Variants in CLVS1 observed in about 807,000 individuals in gnomAD.
CLVS1 encodes the protein clavesin-1.
CLVS1 carries 10 observed loss-of-function variants against 33.1 expected under a neutral mutation model. The ratio of observed to expected loss-of-function variants is 0.30; its 90% confidence interval spans 0.19 to 0.51. The LOEUF (loss-of-function observed/expected upper bound fraction) is 0.51, where lower values mean the gene tolerates loss of function less well. Ranked by LOEUF, CLVS1 falls within the 20% of genes least tolerant of loss-of-function variation. The pLI, the probability that CLVS1 is intolerant of heterozygous loss-of-function variation, is 0.97. For missense variants in CLVS1, 343 were observed against 433.4 expected, an observed-to-expected ratio of 0.79 and a Z score of 1.85; for synonymous variants, 163 against 166.1, an observed-to-expected ratio of 0.98 and a Z score of 0.14.
intron 3 of CLVS1, among the ~76,000 whole-genome samples, chr8:61,398,775 C>A (rs1027401346): frequency 1.3e-5 from 2 of 152,126 alleles, no homozygotes; most frequent in Non-Finnish European, 2.9e-5. Flanking sequence ...TTATTCAGCT[C>A]CCACCTAAAA....
At chr8:61,121,675 G>A (rs990160929) in intron 1 of CLVS1, among the ~76,000 whole-genome samples, 1 of 152,154 alleles carries the variant, frequency 6.6e-6, no homozygotes, top group African/African-American at 2.4e-5. Flanking sequence ...AAAGAGAGAT[G>A]CTGAACATTT....
intron 1 of CLVS1, among the ~76,000 whole-genome samples, chr8:61,111,024 C>T (rs1274100477): frequency 1.3e-5 from 2 of 152,124 alleles, no homozygotes; most frequent in African/African-American, 4.8e-5. Context: ...TCTTTAAGAT[C>T]CACTTTCTCA....
intron 2 of CLVS1, among the ~76,000 whole-genome samples, chr8:61,150,623 C>T (rs924483891): frequency 1.3e-5 from 2 of 152,198 alleles, no homozygotes; most frequent in East Asian, 3.9e-4. Flanking sequence ...GCTTCCTCTA[C>T]TGCTTCAGGG....
Position 61,487,050 on chromosome 8 carries a change from T to C in CLVS1, c.978-12405T>C, listed in dbSNP as rs540454495. 4.6e-5 allele frequency among the ~76,000 whole-genome samples: 7 copies of C among 152,230 alleles called. No individual in the cohort carries two copies. In the South Asian group the frequency reaches 8.3e-4, roughly 18 times the overall value. On this transcript the variant is annotated intron_variant, in intron 5 of 5. Transcript: ENST00000325897. ...AAAGCTTTGAAAATTTTAATGAGCA[T>C]ACAAAGCACCGAGATCTTGTTAAAA... is the stretch of plus-strand genomic sequence containing the variant.
chr8:61,413,684 T>A (rs541592943), intron 3 of CLVS1, among the ~76,000 whole-genome samples: 36 of 152,310 alleles, frequency 2.4e-4, no homozygotes, highest in Admixed American at 3.3e-4. Flanking sequence ...AGGCTTCAAT[T>A]CCTTGTATGG....
At chr8:60,993,276 C>A in the CLVS1 span, among the ~76,000 whole-genome samples, 1 of 152,218 alleles carries the variant, frequency 6.6e-6, no homozygotes, top group African/African-American at 2.4e-5. Context: ...CCCCACCCTA[C>A]ACAATCTAGT....
chr8:61,180,374 G>A (rs1353045620), intron 2 of CLVS1, among the ~76,000 whole-genome samples: 2 of 152,070 alleles, frequency 1.3e-5, no homozygotes, highest in African/African-American at 4.8e-5. Context: ...AAAAGCCCAG[G>A]ACCAGGTGGA....
chr8:61,027,979 A>C, the CLVS1 span, among the ~76,000 whole-genome samples: 1 of 152,152 alleles, frequency 6.6e-6, no homozygotes, highest in Admixed American at 6.5e-5. Flanking sequence ...TTCATGGTTT[A>C]ATAGAAAAGA....
intron 5 of CLVS1, among the ~76,000 whole-genome samples, chr8:61,471,475 C>T (rs1448014657): frequency 6.6e-6 from 1 of 152,052 alleles, no homozygotes; most frequent in African/African-American, 2.4e-5. Context: ...AAAGGAGGGG[C>T]CTTGAGTTCC....
intron 2 of CLVS1, among the ~76,000 whole-genome samples, chr8:61,180,431 T>C (rs1252106746): frequency 2.0e-5 from 3 of 152,168 alleles, no homozygotes; most frequent in African/African-American, 7.2e-5. Context: ...CTGGTACCAT[T>C]CCTACTGAAA....
intron 2 of CLVS1, among the ~76,000 whole-genome samples, chr8:61,140,487 T>A (rs1353575181): frequency 6.6e-6 from 1 of 152,274 alleles, no homozygotes; most frequent in Non-Finnish European, 1.5e-5. Flanking sequence ...AAGGAAATGC[T>A]TGTAACTAGT....
intron 3 of CLVS1, among the ~76,000 whole-genome samples, chr8:61,423,336 G>T (rs560705386): frequency 5.3e-5 from 8 of 152,218 alleles, no homozygotes; most frequent in African/African-American, 1.9e-4. Flanking sequence ...CTTAAGCCAG[G>T]CCATGTAGAG....
chr8:61,123,942 T>C (rs1563411893), intron 1 of CLVS1, among the ~76,000 whole-genome samples: 1 of 152,152 alleles, frequency 6.6e-6, no homozygotes, highest in Non-Finnish European at 1.5e-5. Flanking sequence ...CAAACATAAA[T>C]AGAAGCAAGA....
chr8:61,305,904 C>T (rs1348341322), intron 2 of CLVS1, among the ~76,000 whole-genome samples: 1 of 152,134 alleles, frequency 6.6e-6, no homozygotes, highest in African/African-American at 2.4e-5. Context: ...TTTTTTGTGG[C>T]TGCATAGTAT....
At chr8:61,420,825 TG>T (rs1815630775) in intron 3 of CLVS1, among the ~76,000 whole-genome samples, 1 of 150,218 alleles carries the variant, frequency 6.7e-6, no homozygotes, top group African/African-American at 2.5e-5. Flanking sequence ...AAAAATTAGC[TG>T]GGCATGGTGG....
At chr8:61,262,776 C>T (rs1341857799) in intron 2 of CLVS1, among the ~76,000 whole-genome samples, 1 of 152,148 alleles carries the variant, frequency 6.6e-6, no homozygotes, top group Non-Finnish European at 1.5e-5. Context: ...GTTCAGGATG[C>T]TCCCACCCTC....
At chr8:61,335,365 T>G (rs1344289342) in intron 2 of CLVS1, among the ~76,000 whole-genome samples, 1 of 152,242 alleles carries the variant, frequency 6.6e-6, no homozygotes, top group Non-Finnish European at 1.5e-5. Context: ...TAGTTCAGCC[T>G]CTACCCAGGA....
intron 3 of CLVS1, among the ~76,000 whole-genome samples, chr8:61,450,474 A>G (rs1034686688): frequency 2.0e-5 from 3 of 152,200 alleles, no homozygotes; most frequent in Non-Finnish European, 4.4e-5. Flanking sequence ...GAAGGCAAGA[A>G]AGGGGATAAA....
At chr8:61,089,149 A>G (rs570204186) in intron 1 of CLVS1, among the ~76,000 whole-genome samples, 1 of 152,118 alleles carries the variant, frequency 6.6e-6, no homozygotes, top group East Asian at 1.9e-4. Context: ...ATGCTATCTC[A>G]TTGTGGTTTT....
Sources: gnomAD v4.1 joint callset for allele counts (sites outside exome capture counted in the v4.1 genomes callset) on GRCh38, gnomAD v4.1.1 for gene constraint, MANE v1.5 for transcripts, NCBI Gene and HGNC (gene_info 2026-07-23, HGNC 2026-07-21) for gene names.